Variants in NALCN observed in about 807,000 individuals in gnomAD.
NALCN encodes sodium leak channel NALCN.
NALCN carries 111 observed loss-of-function variants against 225.3 expected under a neutral mutation model. That is an observed-to-expected ratio of 0.49 (90% CI 0.42 to 0.58). The LOEUF is 0.58. Among genes scored for constraint, NALCN ranks in the 20% least tolerant of loss-of-function variants. The pLI is 0.00. For synonymous variants in NALCN, 764 were observed against 769.0 expected (o/e 0.99, Z 0.11); for missense variants, 1,378 against 2,202.4 (o/e 0.63, Z 7.49).
chr13:101,349,357 T>A (rs67434676), intron 6 of NALCN, among the ~76,000 whole-genome samples: 10,282 of 152,228 alleles, frequency 0.068, 388 homozygotes, highest in Admixed American at 0.098. Flanking sequence ...GTAGAGAAAA[T>A]ACTGGTCCCC....
At chr13:101,111,498 C>A (rs2035434661) in intron 18 of NALCN, among the ~76,000 whole-genome samples, 1 of 152,066 alleles carries the variant, frequency 6.6e-6, no homozygotes, top group Non-Finnish European at 1.5e-5. Context: ...CCCTCCTTTC[C>A]AAAAATAATG....
At chr13:101,246,202 T>A (rs898577335) in intron 11 of NALCN, among the ~76,000 whole-genome samples, 2 of 152,176 alleles carry the variant, frequency 1.3e-5, no homozygotes, top group Non-Finnish European at 2.9e-5. Context: ...CAGCAGAGTT[T>A]AACTAATCTC....
At position 101,058,076 on chromosome 13, in the gene NALCN, C is replaced by T. The variant is rs1467504000; in HGVS notation, c.4906-20G>A. ...GCTTGTCTGCATGGGAGGAGAAGCA[C>T]ACAGTTACCGTCTTTTTAACCCTGC... On this transcript the variant is annotated intron_variant, in intron 42 of 43. Transcript: ENST00000251127. 17 of 1,598,062 alleles carry T rather than the reference C, an allele frequency of 1.1e-5. No homozygotes were observed. Among genetic ancestry groups the T allele is most frequent in the Non-Finnish European group, 1.5e-5 (17 of 1,170,334 alleles).
intron 41 of NALCN, among the ~76,000 whole-genome samples, chr13:101,060,990 T>C (rs931091259): frequency 3.3e-5 from 5 of 152,214 alleles, no homozygotes; most frequent in Admixed American, 6.5e-5. Flanking sequence ...GTGTCTGCAA[T>C]TGACGTTGTT....
At chr13:101,057,821 GTCTGTAAACAA>G (rs1212042425) in intron 43 of NALCN, 107 bp downstream of exon 43, 3 of 814,022 alleles carry the variant, frequency 3.7e-6, no homozygotes, top group Non-Finnish European at 6.5e-6. Context: ...TTATGTTGCT[GTCTGTAAACAA>G]CTGTAGATGC....
chr13:101,101,059 G>A (rs1040634566), intron 26 of NALCN, among the ~76,000 whole-genome samples, 171 bp from the exon 27 acceptor site: 13 of 152,080 alleles, frequency 8.5e-5, no homozygotes, highest in African/African-American at 2.6e-4. Context: ...CTTACTGGAA[G>A]GTCAAAAGGA....
chr13:101,258,463 C>T lies in NALCN; in HGVS notation c.1246G>A (p.Asp416Asn), dbSNP rs894781933. Residue 416 changes from aspartate to asparagine, a missense_variant, in exon 11 of 44, where the codon GAC becomes AAC. Around this residue, in one of 19 missense-constraint regions of NALCN, gnomAD observed 144 missense variants for 187.7 expected, o/e 0.77. Coordinates refer to ENST00000251127, the MANE Select transcript of NALCN (RefSeq NM_052867.4). ...CTTACCTCCGCCAGGTAGAACTCGT[C>T]GTACTGCCTCCTGAAGTTTTCTCCT... ...YKGENFRRQY[D>N]EFYLAEVAFT... 6 of 1,614,160 alleles carry T rather than the reference C, an allele frequency of 3.7e-6. No individual in the cohort carries two copies. Among genetic ancestry groups the T allele is most frequent in the Non-Finnish European group, 5.1e-6 (6 of 1,180,028 alleles).
chr13:101,376,061 C>G (rs2046681197), intron 6 of NALCN, among the ~76,000 whole-genome samples: 1 of 152,098 alleles, frequency 6.6e-6, no homozygotes, highest in Non-Finnish European at 1.5e-5. Flanking sequence ...TCAAATGCAA[C>G]AGATAATAGT....
intron 30 of NALCN, among the ~76,000 whole-genome samples, chr13:101,088,699 T>C (rs2034057127): frequency 6.6e-6 from 1 of 152,142 alleles, no homozygotes; most frequent in Non-Finnish European, 1.5e-5. Context: ...AGGGCATAGC[T>C]CAAGTGCCTA....
intron 10 of NALCN, among the ~76,000 whole-genome samples, chr13:101,259,863 T>C (rs1421527290): frequency 6.6e-6 from 1 of 151,736 alleles, no homozygotes; most frequent in African/African-American, 2.4e-5. Context: ...TGGGGTATCC[T>C]TTGAGTTACA....
intron 6 of NALCN, among the ~76,000 whole-genome samples, chr13:101,354,067 G>A (rs1241814956): frequency 6.6e-6 from 1 of 152,264 alleles, no homozygotes; most frequent in Non-Finnish European, 1.5e-5. Context: ...AAGTTGGTCG[G>A]GTGCAGTGGC....
chr13:101,376,613 A>T, intron 6 of NALCN, 87 bp downstream of exon 6: 1 of 1,425,438 alleles, frequency 7.0e-7, no homozygotes. Flanking sequence ...TGTTTAAAAA[A>T]TCTGACATAG....
At chr13:101,369,318 A>T (rs552503310) in intron 6 of NALCN, among the ~76,000 whole-genome samples, 22 of 152,104 alleles carry the variant, frequency 1.4e-4, no homozygotes, top group Non-Finnish European at 2.2e-4. Flanking sequence ...TTCATGGTGA[A>T]CTTCATTTTT....
At chr13:101,095,402 T>A (rs2034448144) in intron 28 of NALCN, among the ~76,000 whole-genome samples, 172 bp downstream of exon 28, 1 of 152,226 alleles carries the variant, frequency 6.6e-6, no homozygotes, top group Non-Finnish European at 1.5e-5. Context: ...TCTCTTATTT[T>A]TTACCTTATT....
chr13:101,345,339 T>C lies in NALCN; in HGVS notation c.726A>G (p.Gly242=). Residue 242 remains glycine (G), a synonymous_variant, in exon 7 of 44, where the codon GGA becomes GGG. Transcript: ENST00000251127. ...ELEEGYQCPP[G]FKCMDLEDLG... ...GATCTTCAAGGTCCATGCATTTAAATCCAGGTGGGCACTGGTAGCCTTCTT... is the reference window on the plus strand; with the variant it reads ...GATCTTCAAGGTCCATGCATTTAAACCCAGGTGGGCACTGGTAGCCTTCTT... 1 of 1,613,876 alleles carries C rather than the reference T, an allele frequency of 6.2e-7. No homozygotes were observed. Among genetic ancestry groups the C allele is most frequent in the Non-Finnish European group, 8.5e-7 (1 of 1,179,824 alleles).
intron 13 of NALCN, among the ~76,000 whole-genome samples, chr13:101,228,472 C>T (rs944165134): frequency 2.6e-5 from 4 of 152,074 alleles, no homozygotes; most frequent in Admixed American, 6.5e-5. Context: ...ATCATGGGGG[C>T]GGTTTCCCCC....
At chr13:101,076,685 T>C (rs969695705) in intron 34 of NALCN, among the ~76,000 whole-genome samples, 2 of 152,196 alleles carry the variant, frequency 1.3e-5, no homozygotes, top group Non-Finnish European at 2.9e-5. Flanking sequence ...ATAGCATCCT[T>C]GGATGGGGAA....
At chr13:101,207,566 A>G (rs753409682) in intron 13 of NALCN, among the ~76,000 whole-genome samples, 2 of 152,220 alleles carry the variant, frequency 1.3e-5, no homozygotes, top group Non-Finnish European at 2.9e-5. Flanking sequence ...GTATTGAGAC[A>G]TGAAGCTGGC....
chr13:101,349,610 G>C (rs1261234868), intron 6 of NALCN, among the ~76,000 whole-genome samples: 1 of 148,830 alleles, frequency 6.7e-6, no homozygotes, highest in Non-Finnish European at 1.5e-5. Context: ...GAAGGTGCTG[G>C]TTTGTCCATA....
Sources: gnomAD v4.1 joint callset for allele counts (sites outside exome capture counted in the v4.1 genomes callset) on GRCh38, gnomAD v4.1.1 for gene constraint, gnomAD v4.1.1 regional missense constraint, MANE v1.5 for transcripts, NCBI Gene and HGNC (gene_info 2026-07-23, HGNC 2026-07-21) for gene names.